CSMD2: variants seen among roughly 807,000 people sequenced by gnomAD.
CSMD2 encodes the protein CUB and sushi domain-containing protein 2.
A neutral mutation model predicts 398.5 loss-of-function variants in CSMD2; 130 were observed. The observed-to-expected ratio is 0.33, with a 90% CI of 0.28 to 0.38. The LOEUF is 0.38. CSMD2 is among the 10% of genes least tolerant of loss of function. The pLI is 1.00. For missense variants in CSMD2, 3,829 were observed against 4,764.9 expected (o/e 0.80, Z 5.78); for synonymous variants, 1,828 against 1,908.5 (o/e 0.96, Z 1.10).
At chr1:33,560,321 A>T (rs1570735161) in intron 53 of CSMD2, among the ~76,000 whole-genome samples, 1 of 152,144 alleles carries the variant, frequency 6.6e-6, no homozygotes, top group Non-Finnish European at 1.5e-5. Context: ...TTGGGCCTCC[A>T]CCTACCAGTC....
intron 3 of CSMD2, among the ~76,000 whole-genome samples, chr1:33,982,647 C>A (rs1057185298): frequency 6.6e-6 from 1 of 152,212 alleles, no homozygotes; most frequent in Admixed American, 6.5e-5. Flanking sequence ...TGTGAAGAGA[C>A]TCCTGGAATA....
intron 1 of CSMD2, among the ~76,000 whole-genome samples, chr1:34,095,036 G>C (rs370858093): frequency 3.3e-5 from 4 of 122,962 alleles, no homozygotes; most frequent in East Asian, 4.6e-4. Flanking sequence ...AAATGTAAAA[G>C]AACAGAAATT....
intron 13 of CSMD2, among the ~76,000 whole-genome samples, chr1:33,758,157 T>TC (rs1467142673): frequency 1.3e-5 from 2 of 152,208 alleles, no homozygotes; most frequent in South Asian, 4.1e-4. Flanking sequence ...CACCCTACAC[T>TC]CCAGTCAGAT....
At chr1:33,821,944 C>A (rs770784873) in intron 7 of CSMD2, among the ~76,000 whole-genome samples, 1 of 151,994 alleles carries the variant, frequency 6.6e-6, no homozygotes, top group Non-Finnish European at 1.5e-5. Flanking sequence ...AAAGAGAATG[C>A]GTGTTATGCA....
intron 4 of CSMD2, among the ~76,000 whole-genome samples, chr1:33,929,522 C>G (rs933808981): frequency 6.9e-6 from 1 of 145,976 alleles, no homozygotes; most frequent in African/African-American, 2.6e-5. Flanking sequence ...ACTGAAACCT[C>G]CACCTCCCGG....
chr1:33,798,705 G>A (rs2124909939), intron 10 of CSMD2, among the ~76,000 whole-genome samples: 1 of 152,306 alleles, frequency 6.6e-6, no homozygotes, highest in East Asian at 1.9e-4. Flanking sequence ...GAGACCAGTG[G>A]AGGCTGATGC....
intron 13 of CSMD2, among the ~76,000 whole-genome samples, chr1:33,760,041 A>G (rs568150408): frequency 2.6e-5 from 4 of 152,282 alleles, no homozygotes; most frequent in African/African-American, 4.8e-5. Context: ...CTTGCCCTCT[A>G]TGGCTGGACC....
intron 1 of CSMD2, among the ~76,000 whole-genome samples, chr1:34,115,420 C>T (rs1476415481): frequency 2.0e-5 from 3 of 151,976 alleles, no homozygotes; most frequent in Non-Finnish European, 4.4e-5. Context: ...CATTACAAGC[C>T]CAGAGGCCAA....
chr1:34,064,059 A>G (rs982816396), intron 2 of CSMD2, among the ~76,000 whole-genome samples: 7 of 152,158 alleles, frequency 4.6e-5, no homozygotes, highest in African/African-American at 1.7e-4. Flanking sequence ...TAGGCTGCAC[A>G]CAGCATGGGG....
rs1335398029 is a variant in CSMD2, at chr1:33,514,278, AC to A, written c.*2345del. 3.0e-5 allele frequency: 3 copies of A among 100,378 alleles called. No individual in the cohort carries two copies. The highest frequency in any genetic ancestry group is 3.4e-4 in the South Asian group (1 of 2,904). The allele number at this position is 100,378 out of a possible 1,614,324, so 6.2% of individuals were successfully genotyped here. A position where few individuals can be genotyped will look rare whatever the true frequency, so the allele number is the denominator to read the frequency against. ...CTACAATAATGAAAAAAAAATTTAC[AC>A]CTTTTTTTTTTTCTTTTTTGGTACT... On this transcript the variant is annotated 3_prime_UTR_variant, in exon 71 of 71. Coordinates refer to ENST00000373381, the MANE Select transcript of CSMD2 (RefSeq NM_001281956.2).
chr1:33,814,877 C>T (rs558128245), intron 9 of CSMD2, among the ~76,000 whole-genome samples: 1 of 152,216 alleles, frequency 6.6e-6, no homozygotes, highest in South Asian at 2.1e-4. Context: ...CTTCTGGCTC[C>T]CACATTTCAT....
chr1:34,156,269 G>C (rs1640796730), intron 1 of CSMD2, among the ~76,000 whole-genome samples: 2 of 152,210 alleles, frequency 1.3e-5, no homozygotes, highest in Non-Finnish European at 2.9e-5. Flanking sequence ...AATGGAGGAA[G>C]CAATGAAGGT....
intron 5 of CSMD2, chr1:33,875,620 G>T (rs1640785265): frequency 6.6e-6 from 1 of 152,184 alleles, no homozygotes; most frequent in Non-Finnish European, 1.5e-5. Flanking sequence ...GTAGGATTCG[G>T]GCTTGTGTTA....
At chr1:34,032,395 A>AT (rs1209456881) in intron 3 of CSMD2, among the ~76,000 whole-genome samples, 199 bp downstream of exon 3, 6 of 152,232 alleles carry the variant, frequency 3.9e-5, no homozygotes, top group Non-Finnish European at 1.5e-5. Context: ...ATGAGCTTTG[A>AT]TTTCAATTCT....
intron 22 of CSMD2, among the ~76,000 whole-genome samples, chr1:33,703,213 A>AAAAC (rs1237448813): frequency 2.0e-5 from 3 of 152,216 alleles, no homozygotes; most frequent in African/African-American, 7.2e-5. Flanking sequence ...TATAAAAAGT[A>AAAAC]AAACAAAAAA....
chr1:33,623,800 T>C (rs1472788964), intron 35 of CSMD2, among the ~76,000 whole-genome samples: 2 of 152,334 alleles, frequency 1.3e-5, no homozygotes, highest in East Asian at 3.9e-4. Context: ...TTCCCCACTT[T>C]CCTGCCTTGA....
rs1659615357 is a variant in CSMD2 at position 33,571,715 on chromosome 1, G to C, written c.7774C>G (p.Pro2592Ala). The C allele has an allele frequency of 6.7e-7, 1 of 1,500,540 alleles. No homozygotes were observed. Among genetic ancestry groups the C allele is most frequent in the Non-Finnish European group, 9.0e-7 (1 of 1,109,416 alleles). 93.0% of individuals were successfully genotyped at this position (1,500,540 alleles called of 1,614,324 possible). The change falls in exon 51 of 71, where the codon CCT becomes GCT. Residue 2592 changes from proline to alanine, a missense_variant. Physicochemically the swap from Pro to Ala is conservative, Grantham distance 27. This residue lies in a region of CSMD2 where 723 missense variants were observed against 758.6 expected (regional missense o/e 0.95). Coordinates refer to ENST00000373381, the MANE Select transcript of CSMD2 (RefSeq NM_001281956.2). ...TCCACGCTGATGCTACTGACATCAG[G>C]ACAAGTCACAGCTGGGGAAATGAGG... ...VPPQCVPVTC[P>A]DVSSISVEHG...
intron 3 of CSMD2, among the ~76,000 whole-genome samples, chr1:33,978,893 C>T (rs560563): frequency 0.1 from 15,939 of 152,140 alleles, 1,308 homozygotes; most frequent in African/African-American, 0.22. Context: ...TTAACAACTC[C>T]AAGAAGTGAG....
At chr1:33,671,792 G>A (rs1168441001) in intron 25 of CSMD2, among the ~76,000 whole-genome samples, 1 of 152,172 alleles carries the variant, frequency 6.6e-6, no homozygotes, top group Admixed American at 6.5e-5. Flanking sequence ...GATTTTCACT[G>A]CAGGGGCCCG....
Sources: allele counts gnomAD v4.1 joint callset (sites outside exome capture counted in the v4.1 genomes callset), GRCh38; gene constraint gnomAD v4.1.1; regional missense constraint gnomAD v4.1.1; transcripts MANE v1.5; gene names NCBI Gene and HGNC (gene_info 2026-07-23, HGNC 2026-07-21).